The following CACNA2D3 variants were observed in gnomAD, a reference collection of about 807,000 sequenced individuals.
The protein encoded by CACNA2D3 is voltage-dependent calcium channel subunit alpha-2/delta-3.
Under a neutral mutation model 160.6 loss-of-function variants are expected in CACNA2D3, and 60 were observed. The ratio of observed to expected loss-of-function variants is 0.37; its 90% confidence interval spans 0.30 to 0.46. The LOEUF (loss-of-function observed/expected upper bound fraction) is 0.46. Ranked by LOEUF, CACNA2D3 falls within the 20% of genes least tolerant of loss-of-function variation. The probability of loss-of-function intolerance (pLI) is 1.00; values close to 1 mark genes in which losing one functional copy is unlikely to be tolerated. For missense variants in CACNA2D3, 1,205 were observed against 1,365.0 expected (o/e 0.88, Z 1.85); for synonymous variants, 558 against 492.9 (o/e 1.13, Z -1.75).
chr3:55,024,568 A>G (rs1186820838), intron 35 of CACNA2D3, among the ~76,000 whole-genome samples: 3 of 152,160 alleles, frequency 2.0e-5, no homozygotes, highest in African/African-American at 7.2e-5. Flanking sequence ...ACACAGCTAA[A>G]AGGTGTTATC....
chr3:54,593,498 A>C (rs577757211), intron 9 of CACNA2D3, among the ~76,000 whole-genome samples: 79 of 152,202 alleles, frequency 5.2e-4, no homozygotes, highest in African/African-American at 1.8e-3. Flanking sequence ...CAGGAGGTAC[A>C]CCTGATATAT....
chr3:54,850,734 A>G (rs534954668), intron 17 of CACNA2D3, among the ~76,000 whole-genome samples: 4 of 152,342 alleles, frequency 2.6e-5, no homozygotes, highest in Non-Finnish European at 5.9e-5. Context: ...AGCCTCAGGC[A>G]GGCAAAATTT....
At chr3:54,549,655 C>T (rs1038437946) in intron 5 of CACNA2D3, among the ~76,000 whole-genome samples, 4 of 152,220 alleles carry the variant, frequency 2.6e-5, no homozygotes, top group African/African-American at 9.6e-5. Context: ...CTGCAGCCCC[C>T]GCCTTTCTTT....
At chr3:54,839,630 C>G (rs992438296) in intron 16 of CACNA2D3, among the ~76,000 whole-genome samples, 1 of 152,124 alleles carries the variant, frequency 6.6e-6, no homozygotes, top group African/African-American at 2.4e-5. Context: ...TAAAGGGAGC[C>G]CAGGAATCAG....
chr3:54,193,695 A>C (rs966654376), intron 2 of CACNA2D3, among the ~76,000 whole-genome samples: 1 of 152,176 alleles, frequency 6.6e-6, no homozygotes, highest in African/African-American at 2.4e-5. Flanking sequence ...CAGTCTCAGG[A>C]GGGACCCCCA....
intron 4 of CACNA2D3, among the ~76,000 whole-genome samples, chr3:54,461,603 C>T (rs1194581372): frequency 6.6e-6 from 1 of 151,784 alleles, no homozygotes; most frequent in Non-Finnish European, 1.5e-5. Context: ...GTTTGTATTT[C>T]TGTGGAATCG....
At chr3:54,807,360 A>G (rs1453669954) in intron 13 of CACNA2D3, among the ~76,000 whole-genome samples, 10 of 152,332 alleles carry the variant, frequency 6.6e-5, no homozygotes, top group Admixed American at 3.3e-4. Context: ...ATTTACAAGA[A>G]AAAAACAAAC....
intron 11 of CACNA2D3, among the ~76,000 whole-genome samples, chr3:54,676,006 T>C (rs1700237047): frequency 1.3e-5 from 2 of 152,198 alleles, no homozygotes; most frequent in Admixed American, 1.3e-4. Flanking sequence ...GAAATGGCCT[T>C]CTTTGAAACA....
intron 17 of CACNA2D3, among the ~76,000 whole-genome samples, chr3:54,846,796 T>G (rs1355772505): frequency 6.6e-6 from 1 of 152,216 alleles, no homozygotes; most frequent in Non-Finnish European, 1.5e-5. Context: ...TCCCTTGATG[T>G]AATACATGGA....
Position 54,925,648 on chromosome 3 carries a change from A to G in CACNA2D3, c.2449+25780A>G, listed in dbSNP as rs1700992561. On this transcript the variant is annotated intron_variant, in intron 27 of 37. Coordinates refer to ENST00000474759, the MANE Select transcript of CACNA2D3 (RefSeq NM_018398.3). Reference sequence around the variant, plus strand: ...GTATGCTGCAGAACAGTGCTGTCTAATACAACTTTCTGTGATGATAGAAGT... The same window carrying G: ...GTATGCTGCAGAACAGTGCTGTCTAGTACAACTTTCTGTGATGATAGAAGT... Among the ~76,000 whole-genome samples, 8 of 152,362 alleles carry G rather than the reference A, an allele frequency of 5.3e-5. No homozygotes were observed. In the South Asian group the frequency reaches 1.7e-3, roughly 32 times the overall value.
chr3:54,176,128 T>C (rs1700672983), intron 2 of CACNA2D3, among the ~76,000 whole-genome samples: 1 of 152,216 alleles, frequency 6.6e-6, no homozygotes, highest in African/African-American at 2.4e-5. Context: ...CAAAGCACTG[T>C]ATTTTGGGGT....
chr3:54,539,253 G>A (rs1005014718), intron 5 of CACNA2D3, among the ~76,000 whole-genome samples: 2 of 152,210 alleles, frequency 1.3e-5, no homozygotes, highest in African/African-American at 4.8e-5. Flanking sequence ...AGAGGCTTAA[G>A]TGAGCCACAG....
intron 27 of CACNA2D3, among the ~76,000 whole-genome samples, chr3:54,933,894 G>C (rs1321480865): frequency 6.6e-6 from 1 of 151,830 alleles, no homozygotes; most frequent in Non-Finnish European, 1.5e-5. Context: ...TCAGCCTCCG[G>C]AGTAGCTGGG....
intron 13 of CACNA2D3, among the ~76,000 whole-genome samples, chr3:54,766,278 TGAG>T (rs1370431679): frequency 6.6e-6 from 1 of 152,026 alleles, no homozygotes; most frequent in Non-Finnish European, 1.5e-5. Flanking sequence ...TTTTTAAAAT[TGAG>T]GAGAAACTCC....
intron 4 of CACNA2D3, among the ~76,000 whole-genome samples, chr3:54,489,034 T>C (rs760622909): frequency 7.2e-5 from 11 of 152,108 alleles, no homozygotes; most frequent in Non-Finnish European, 1.6e-4. Flanking sequence ...TAGAGAATCA[T>C]GGAGCAATGG....
chr3:54,879,068 G>C lies in CACNA2D3; in HGVS notation c.1761G>C (p.Val587=), dbSNP rs769443944. ...AGACGGGGAAGTTTTCCATGGAGGT[G>C]AAGAAGACAGTGGACAAAGGGGTAC... The part of the protein sequence containing the change: ...NRKTGKFSME[V]KKTVDKGKRV... Residue 587 remains valine (V), a synonymous_variant, in exon 19 of 38, where the codon GTG becomes GTC. Transcript: ENST00000474759. The C allele has an allele frequency of 6.2e-7, 1 of 1,604,850 alleles. No homozygotes were observed. The highest frequency in any genetic ancestry group is 1.1e-5 in the South Asian group (1 of 89,050).
At chr3:54,982,682 C>A (rs9837690) in intron 29 of CACNA2D3, among the ~76,000 whole-genome samples, 8,473 of 151,206 alleles carry the variant, frequency 0.056, 806 homozygotes, top group African/African-American at 0.19. Flanking sequence ...GGCAGAGCAT[C>A]CTTGAGGGCT....
rs139226737 is a variant in CACNA2D3 at position 54,305,550 on chromosome 3, G to A, written c.205-14892G>A. On this transcript the variant is annotated intron_variant, in intron 2 of 37. Coordinates refer to ENST00000474759, the MANE Select transcript of CACNA2D3 (RefSeq NM_018398.3). ...ACCTTAAATCACATGATGAATGTAC[G>A]CTAATGATCAGACAGTACACAGGAT... is the stretch of plus-strand genomic sequence containing the variant. Among the ~76,000 whole-genome samples the A allele has an allele frequency of 3.8e-3, 584 of 152,322 alleles. 5 individuals are homozygous for A. The highest frequency in any genetic ancestry group is 0.013 in the African/African-American group (561 of 41,570).
intron 3 of CACNA2D3, among the ~76,000 whole-genome samples, chr3:54,321,662 T>A (rs1703998668): frequency 6.6e-6 from 1 of 152,174 alleles, no homozygotes; most frequent in South Asian, 2.1e-4. Flanking sequence ...GTAGCTTCTC[T>A]GAGGTCACAT....
Sources: gnomAD v4.1 joint callset for allele counts (sites outside exome capture counted in the v4.1 genomes callset) on GRCh38, gnomAD v4.1.1 for gene constraint, MANE v1.5 for transcripts, NCBI Gene and HGNC (gene_info 2026-07-23, HGNC 2026-07-21) for gene names.